The following FAF1 variants were observed in gnomAD, a reference collection of about 807,000 sequenced individuals.
FAF1 encodes the protein Fas associated factor 1, also known as FAS-associated factor 1.
In FAF1, 25 loss-of-function variants were observed where a neutral mutation model predicts 92.5. The observed-to-expected ratio is 0.27, with a 90% confidence interval of 0.20 to 0.38. The LOEUF (loss-of-function observed/expected upper bound fraction) is 0.38, where lower values mean the gene tolerates loss of function less well. Ranked by LOEUF, FAF1 falls within the 10% of genes least tolerant of loss-of-function variation. The pLI is 1.00. For missense variants in FAF1, 636 were observed against 793.3 expected, an observed-to-expected ratio of 0.80 and a Z score of 2.38; for synonymous variants, 234 against 273.2, an observed-to-expected ratio of 0.86 and a Z score of 1.42.
At chr1:50,708,800 G>A (rs1046536945) in intron 6 of FAF1, among the ~76,000 whole-genome samples, 1 of 152,078 alleles carries the variant, frequency 6.6e-6, no homozygotes, top group African/African-American at 2.4e-5. Flanking sequence ...GTATAAGGGA[G>A]CCAAAAGAAA....
intron 1 of FAF1, among the ~76,000 whole-genome samples, chr1:50,948,980 A>G (rs1168346666): frequency 1.3e-5 from 2 of 152,206 alleles, no homozygotes; most frequent in Non-Finnish European, 2.9e-5. Context: ...TCACATTTCA[A>G]TATAAGATTT....
At chr1:50,792,629 T>C (rs1661604986) in intron 3 of FAF1, among the ~76,000 whole-genome samples, 1 of 152,252 alleles carries the variant, frequency 6.6e-6, no homozygotes. Context: ...AGATTTACCA[T>C]GTATAACCTG....
Position 50,605,565 on chromosome 1 carries a change from CT to C in FAF1, c.745-9350del, listed in dbSNP as rs890904577. Among the ~76,000 whole-genome samples, 1,337 of 145,742 alleles carry C rather than the reference CT, an allele frequency of 9.2e-3. 13 individuals are homozygous for C. Among genetic ancestry groups the C allele is most frequent in the African/African-American group, 0.029 (1,147 of 40,092 alleles). On this transcript the variant is annotated intron_variant, in intron 8 of 18. Coordinates refer to ENST00000396153, the MANE Select transcript of FAF1 (RefSeq NM_007051.3). ...ATCAAGAACTCTGTTTCAAAGTCAA[CT>C]TTTTTTTTTTTTCACAGAGGCCAAT...
At chr1:50,487,548 T>C (rs573175220) in intron 17 of FAF1, among the ~76,000 whole-genome samples, 1 of 152,198 alleles carries the variant, frequency 6.6e-6, no homozygotes, top group African/African-American at 2.4e-5. Context: ...AGATCTTTGC[T>C]GTTGTTTTTC....
At chr1:50,585,942 A>G (rs538386575) in intron 9 of FAF1, among the ~76,000 whole-genome samples, 1 of 151,278 alleles carries the variant, frequency 6.6e-6, no homozygotes, top group African/African-American at 2.4e-5. Context: ...GGTCTTAGTT[A>G]CTTGGGAGGC....
intron 17 of FAF1, among the ~76,000 whole-genome samples, chr1:50,480,988 T>C (rs1055675130): frequency 6.6e-6 from 1 of 152,130 alleles, no homozygotes; most frequent in Non-Finnish European, 1.5e-5. Context: ...CTAATGTGCA[T>C]GTATCTTAGT....
At chr1:50,744,622 A>G (rs1000929769) in intron 5 of FAF1, 62 bp downstream of exon 5, 23 of 1,115,750 alleles carry the variant, frequency 2.1e-5, no homozygotes, top group Admixed American at 4.1e-5. Flanking sequence ...CAATTTTTAC[A>G]TATCATTTAA....
At chr1:50,496,817 A>C (rs1320208048) in intron 15 of FAF1, among the ~76,000 whole-genome samples, 1 of 151,650 alleles carries the variant, frequency 6.6e-6, no homozygotes, top group Non-Finnish European at 1.5e-5. Flanking sequence ...TGAACCTGGG[A>C]GGAAGAGGTT....
intron 17 of FAF1, among the ~76,000 whole-genome samples, chr1:50,487,873 G>A (rs192057027): frequency 1.3e-5 from 2 of 152,248 alleles, no homozygotes; most frequent in African/African-American, 4.8e-5. Flanking sequence ...ATCCAGATTA[G>A]GTGTTCAACC....
intron 7 of FAF1, among the ~76,000 whole-genome samples, chr1:50,688,123 G>A (rs577544411): frequency 3.2e-4 from 48 of 151,020 alleles, no homozygotes; most frequent in African/African-American, 1.1e-3. Context: ...GCAACAGAGC[G>A]AGACTCTATC....
chr1:50,592,937 CAA>C (rs1374336185), intron 9 of FAF1, among the ~76,000 whole-genome samples: 26 of 92,226 alleles, frequency 2.8e-4, no homozygotes, highest in Non-Finnish European at 2.1e-4. Context: ...GACTCTGTTT[CAA>C]AAAAAAAAAA....
At position 50,648,424 on chromosome 1, in the gene FAF1, GAC is replaced by G. The variant is rs568604952; in HGVS notation, c.744+7016_744+7017del. On this transcript the variant is annotated intron_variant, in intron 8 of 18. Coordinates refer to ENST00000396153, the MANE Select transcript of FAF1 (RefSeq NM_007051.3). ...AAGATAAGTATTTAGCTAAAGCTGA[GAC>G]ACATATGGTGTAATATTCAATCATT... 1.1e-4 allele frequency among the ~76,000 whole-genome samples: 17 copies of G among 152,262 alleles called. No individual in the cohort carries two copies. In the South Asian group the frequency reaches 2.5e-3, roughly 22 times the overall value.
At chr1:50,931,224 T>A (rs1645044706) in intron 1 of FAF1, among the ~76,000 whole-genome samples, 1 of 152,250 alleles carries the variant, frequency 6.6e-6, no homozygotes, top group Non-Finnish European at 1.5e-5. Flanking sequence ...TTTACTATCT[T>A]GGTTCTTTTA....
intron 8 of FAF1, among the ~76,000 whole-genome samples, chr1:50,645,910 G>C (rs1440101731): frequency 6.6e-6 from 1 of 152,106 alleles, no homozygotes; most frequent in Middle Eastern, 3.2e-3. Flanking sequence ...AACAGATGCT[G>C]AGTGAGATTT....
At chr1:50,520,554 C>T (rs1340021189) in intron 15 of FAF1, among the ~76,000 whole-genome samples, 2 of 152,178 alleles carry the variant, frequency 1.3e-5, no homozygotes, top group East Asian at 3.9e-4. Flanking sequence ...CAGATCAAAT[C>T]TTACCTCTTA....
At chr1:50,749,208 T>C (rs1254103665) in intron 4 of FAF1, among the ~76,000 whole-genome samples, 1 of 152,306 alleles carries the variant, frequency 6.6e-6, no homozygotes, top group South Asian at 2.1e-4. Flanking sequence ...TCTAGAGCTG[T>C]ACCTGTCTGG....
intron 15 of FAF1, 22 bp from the exon 16 acceptor site, chr1:50,491,823 AT>A (rs1461450596): frequency 2.6e-6 from 4 of 1,563,526 alleles, no homozygotes; most frequent in Non-Finnish European, 3.5e-6. Context: ...AGATTCAAAT[AT>A]TTTTTGACAT....
chr1:50,689,746 T>C (rs528618233), intron 7 of FAF1, among the ~76,000 whole-genome samples: 11 of 152,370 alleles, frequency 7.2e-5, no homozygotes, highest in South Asian at 2.1e-4. Context: ...TGGAATATCA[T>C]TCAGTCTTAA....
chr1:50,722,638 G>A (rs533780333), intron 6 of FAF1, among the ~76,000 whole-genome samples: 228 of 129,584 alleles, frequency 1.8e-3, no homozygotes, highest in African/African-American at 2.7e-3. Context: ...GACAGAGAGC[G>A]ACAGTCTCAA....
Sources: allele counts gnomAD v4.1 joint callset (sites outside exome capture counted in the v4.1 genomes callset), GRCh38; gene constraint gnomAD v4.1.1; transcripts MANE v1.5; gene names NCBI Gene and HGNC (gene_info 2026-07-23, HGNC 2026-07-21).